CWC27: variants seen among roughly 807,000 people sequenced by gnomAD.
CWC27 encodes CWC27 spliceosome associated cyclophilin.
CWC27 carries 47 observed loss-of-function variants against 63.6 expected under a neutral mutation model. That is an observed-to-expected ratio of 0.74 (90% confidence interval 0.58 to 0.94). The LOEUF is 0.94. CWC27 is among the 40% of genes least tolerant of loss of function. CWC27 has a pLI of 0.00. For synonymous variants in CWC27, 175 were observed against 179.8 expected, an observed-to-expected ratio of 0.97 and a Z score of 0.22; for missense variants, 495 against 554.3, an observed-to-expected ratio of 0.89 and a Z score of 1.07.
intron 11 of CWC27, among the ~76,000 whole-genome samples, chr5:64,938,050 C>T (rs1748396233): frequency 6.6e-6 from 1 of 151,252 alleles, no homozygotes; most frequent in African/African-American, 2.4e-5. Flanking sequence ...GGTCTTGACT[C>T]TTTATCCAAT....
At chr5:64,935,582 A>G (rs1259334873) in intron 11 of CWC27, among the ~76,000 whole-genome samples, 1 of 152,134 alleles carries the variant, frequency 6.6e-6, no homozygotes, top group Non-Finnish European at 1.5e-5. Context: ...TCTTGGCTAT[A>G]CAGCCTCTTC....
chr5:65,017,831 CAG>C (rs1461475848), intron 13 of CWC27, among the ~76,000 whole-genome samples: 17 of 152,316 alleles, frequency 1.1e-4, no homozygotes, highest in African/African-American at 3.4e-4. Context: ...TTAAAGGAAG[CAG>C]ACAGTGTCCT....
At chr5:64,832,376 A>G (rs1329618742) in intron 10 of CWC27, among the ~76,000 whole-genome samples, 1 of 151,776 alleles carries the variant, frequency 6.6e-6, no homozygotes, top group Non-Finnish European at 1.5e-5. Context: ...CTTTTGCTTG[A>G]AAGCTCAAAT....
intron 7 of CWC27, among the ~76,000 whole-genome samples, chr5:64,793,788 G>A (rs1744160817): frequency 6.6e-6 from 1 of 152,098 alleles, no homozygotes. Context: ...TGACTGCACA[G>A]TATTAATCTT....
chr5:64,820,774 T>A (rs1205106736), intron 10 of CWC27, among the ~76,000 whole-genome samples: 1 of 152,064 alleles, frequency 6.6e-6, no homozygotes, highest in African/African-American at 2.4e-5. Flanking sequence ...TATATAAAAA[T>A]TTACTCAAAA....
At chr5:64,988,321 G>A (rs1036169867) in intron 13 of CWC27, among the ~76,000 whole-genome samples, 23 of 151,894 alleles carry the variant, frequency 1.5e-4, no homozygotes, top group Non-Finnish European at 2.1e-4. Context: ...GTCTTTTCCC[G>A]TGCAAGTTAA....
chr5:64,820,063 A>G (rs1474391954), intron 10 of CWC27, among the ~76,000 whole-genome samples: 2 of 152,226 alleles, frequency 1.3e-5, no homozygotes, highest in Non-Finnish European at 2.9e-5. Flanking sequence ...TATTCTTTCA[A>G]AAGTTTTAAC....
chr5:64,795,908 G>A (rs1397202665), intron 7 of CWC27, among the ~76,000 whole-genome samples: 1 of 151,920 alleles, frequency 6.6e-6, no homozygotes, highest in Non-Finnish European at 1.5e-5. Flanking sequence ...GGTAGAAGTA[G>A]GGTTGGTTGG....
intron 11 of CWC27, among the ~76,000 whole-genome samples, chr5:64,945,166 C>T (rs796978841): frequency 2.0e-5 from 3 of 152,280 alleles, no homozygotes; most frequent in African/African-American, 7.2e-5. Flanking sequence ...ATGTCACCTT[C>T]TCAATGAGAC....
chr5:64,991,563 A>G (rs1435789357), intron 13 of CWC27, among the ~76,000 whole-genome samples: 2 of 151,998 alleles, frequency 1.3e-5, no homozygotes, highest in African/African-American at 4.8e-5. Flanking sequence ...CATCTCTACA[A>G]AACAGATTTA....
At chr5:64,884,388 A>G (rs1196524809) in intron 10 of CWC27, 1 of 152,162 alleles carries the variant, frequency 6.6e-6, no homozygotes, top group Non-Finnish European at 1.5e-5. Flanking sequence ...AAAAAAGATA[A>G]AAAGAACTGA....
In CWC27 at chr5:64,807,782, G is replaced by A. The variant is rs548724196; in HGVS notation, c.938+3396G>A. 3.9e-6 allele frequency: 6 copies of A among 1,535,366 alleles called. No individual in the cohort carries two copies. In the African/African-American group the frequency reaches 8.2e-5, roughly 21 times the overall value. On this transcript the variant is annotated intron_variant, in intron 10 of 13. Transcript: ENST00000381070. ...TTCAAACTCACTCAACGGATCACCT[G>A]GCTGCTTGTTTTTTTATGAAATGAG...
At chr5:64,820,471 C>T (rs1255273859) in intron 10 of CWC27, among the ~76,000 whole-genome samples, 1 of 151,944 alleles carries the variant, frequency 6.6e-6, no homozygotes, top group Non-Finnish European at 1.5e-5. Context: ...AGTATGATAC[C>T]TTGAACTAGA....
intron 10 of CWC27, among the ~76,000 whole-genome samples, chr5:64,849,208 C>T (rs1746067492): frequency 6.8e-6 from 1 of 146,764 alleles, no homozygotes; most frequent in African/African-American, 2.5e-5. Flanking sequence ...ATCAAAAGAA[C>T]ACTCCTATTT....
chr5:64,971,910 G>T, intron 12 of CWC27, 98 bp downstream of exon 12: 1 of 598,258 alleles, frequency 1.7e-6, no homozygotes. Context: ...ATCAGGAGAA[G>T]CACTACCTCT....
intron 10 of CWC27, among the ~76,000 whole-genome samples, chr5:64,841,893 T>A (rs1366741415): frequency 1.3e-5 from 2 of 152,134 alleles, no homozygotes; most frequent in African/African-American, 4.8e-5. Flanking sequence ...TTGGTCAGGC[T>A]GGTCTCGAAC....
intron 13 of CWC27, among the ~76,000 whole-genome samples, chr5:65,010,226 T>C (rs578010921): frequency 1.3e-5 from 2 of 151,834 alleles, no homozygotes; most frequent in East Asian, 1.9e-4. Flanking sequence ...CATACACCAG[T>C]GGGAAGGAGG....
chr5:64,855,052 T>C (rs1029936774), intron 10 of CWC27, among the ~76,000 whole-genome samples: 1 of 152,182 alleles, frequency 6.6e-6, no homozygotes, highest in East Asian at 1.9e-4. Context: ...TGATATGAGA[T>C]CACTGGTGCT....
At chr5:64,851,450 T>C (rs528635925) in intron 10 of CWC27, among the ~76,000 whole-genome samples, 1 of 152,236 alleles carries the variant, frequency 6.6e-6, no homozygotes, top group East Asian at 1.9e-4. Context: ...AGGAGTGATA[T>C]GTTGTTGGTT....
Sources: gnomAD v4.1 joint callset for allele counts (sites outside exome capture counted in the v4.1 genomes callset) on GRCh38, gnomAD v4.1.1 for gene constraint, MANE v1.5 for transcripts, NCBI Gene and HGNC (gene_info 2026-07-23, HGNC 2026-07-21) for gene names.